ERI1: variants seen among roughly 807,000 people sequenced by gnomAD.
The protein encoded by ERI1 is exoribonuclease 1, also known as 3'-5' exoribonuclease 1.
In ERI1, 39 loss-of-function variants were observed where a neutral mutation model predicts 39.7. That is an observed-to-expected ratio of 0.98 (90% CI 0.76 to 1.28). ERI1 has a LOEUF of 1.28. ERI1 is among the 50% of genes most tolerant of loss of function. The pLI, the probability that ERI1 is intolerant of heterozygous loss-of-function variation, is 0.00. For missense variants in ERI1, 581 were observed against 416.9 expected (o/e 1.39, Z -3.43); for synonymous variants, 204 against 149.6 (o/e 1.36, Z -2.65).
In ERI1 at chr8:9,041,316, A is replaced by C. The variant is rs140040416; in HGVS notation, n.299+20852A>C. Reference sequence around the variant, plus strand: ...GGCAACTTCCTTGTATTCTCCCAAGAGAGAATACAAGGAAGGTAGGAGAGT... The same window carrying C: ...GGCAACTTCCTTGTATTCTCCCAAGCGAGAATACAAGGAAGGTAGGAGAGT... On this transcript the variant is annotated intron_variant and non_coding_transcript_variant, in intron 3 of 3. Transcript: ENST00000518663. 6.6e-3 allele frequency among the ~76,000 whole-genome samples: 1,002 copies of C among 152,276 alleles called. 11 individuals carry two copies. The highest frequency in any genetic ancestry group is 0.023 in the African/African-American group (943 of 41,540).
intron 3 of ERI1, among the ~76,000 whole-genome samples, chr8:9,071,599 A>G (rs1799052837): frequency 6.6e-6 from 1 of 152,230 alleles, no homozygotes. Context: ...GGACGGGATA[A>G]TTGACTCCTT....
chr8:9,029,687 T>A, intron 6 of ERI1, 105 bp from the exon 7 acceptor site: 2 of 1,362,170 alleles, frequency 1.5e-6, no homozygotes, highest in South Asian at 1.3e-5. Context: ...TAGCTTTATT[T>A]AGCTGTTAGT....
At chr8:9,022,092 G>T (rs191179337) in intron 6 of ERI1, among the ~76,000 whole-genome samples, 66 of 151,972 alleles carry the variant, frequency 4.3e-4, no homozygotes, top group African/African-American at 1.5e-3. Flanking sequence ...CAATGGAATT[G>T]TACCAGTTTG....
chr8:9,021,188 C>T (rs549537764), intron 6 of ERI1, among the ~76,000 whole-genome samples: 8 of 152,210 alleles, frequency 5.3e-5, no homozygotes, highest in African/African-American at 1.4e-4. Flanking sequence ...AATTTACTTC[C>T]GCGGTTGTTT....
Position 9,011,628 on chromosome 8 carries a change from GTTA to G in ERI1, c.379_381del (p.Tyr127del), listed in dbSNP as rs1321154498. 6.8e-6 allele frequency: 11 copies of G among 1,613,462 alleles called. No homozygotes were observed. Among genetic ancestry groups the G allele is most frequent in the Admixed American group, 1.7e-5 (1 of 59,980 alleles). ...CTGAAAGAGAGCAATTTTGCTGACA[GTTA>G]TTATGACTACATTTGTATTATTGAC... On this transcript the variant is annotated inframe_deletion, in exon 3 of 7. Coordinates refer to ENST00000250263, the MANE Select transcript of ERI1 (RefSeq NM_153332.4).
At chr8:9,035,568 A>C (rs569336350), downstream of ERI1, among the ~76,000 whole-genome samples, 5 of 152,334 alleles carry the variant, frequency 3.3e-5, no homozygotes, top group Admixed American at 6.5e-5. Context: ...AGGAAAAAAA[A>C]AAATCTGTTC....
chr8:9,016,875 C>T (rs1817353065), intron 4 of ERI1, among the ~76,000 whole-genome samples: 4 of 151,752 alleles, frequency 2.6e-5, no homozygotes, highest in African/African-American at 9.7e-5. Flanking sequence ...TTAGTAGAGA[C>T]CTGGTTTCGC....
chr8:9,020,776 A>G (rs1209716964), intron 6 of ERI1, among the ~76,000 whole-genome samples: 1 of 152,184 alleles, frequency 6.6e-6, no homozygotes, highest in Non-Finnish European at 1.5e-5. Flanking sequence ...CATTTATCAA[A>G]GTTAATATGC....
chr8:9,061,816 G>A (rs1466775598), intron 3 of ERI1, among the ~76,000 whole-genome samples: 10 of 149,890 alleles, frequency 6.7e-5, no homozygotes, highest in African/African-American at 2.5e-4. Context: ...TTTTGCAGCA[G>A]TATAGCCCAG....
intron 3 of ERI1, among the ~76,000 whole-genome samples, chr8:9,097,936 A>G (rs972931976): frequency 2.6e-5 from 4 of 152,240 alleles, no homozygotes; most frequent in African/African-American, 9.6e-5. Context: ...AATACTACTC[A>G]GTCATAAAAA....
At chr8:9,085,603 A>G (rs1799499142) in intron 3 of ERI1, among the ~76,000 whole-genome samples, 1 of 151,474 alleles carries the variant, frequency 6.6e-6, no homozygotes, top group Admixed American at 6.6e-5. Context: ...AAACTTGTAG[A>G]GTGTCGTGGT....
chr8:9,072,923 G>A (rs1408577551), intron 3 of ERI1, among the ~76,000 whole-genome samples: 4 of 152,200 alleles, frequency 2.6e-5, no homozygotes, highest in African/African-American at 4.8e-5. Context: ...AACACCTGCC[G>A]GGATGCGTCT....
chr8:9,090,212 T>A (rs11774267), intron 3 of ERI1, among the ~76,000 whole-genome samples: 99,280 of 151,736 alleles, frequency 0.65, 33,982 homozygotes, highest in African/African-American at 0.76. Flanking sequence ...CCACTGCTTC[T>A]TCCTCCTCCT....
intron 6 of ERI1, among the ~76,000 whole-genome samples, chr8:9,026,564 A>G (rs1272806737): frequency 6.6e-6 from 1 of 152,164 alleles, no homozygotes; most frequent in Non-Finnish European, 1.5e-5. Context: ...TCAGAATTCT[A>G]CCTTTCTGAG....
chr8:9,049,969 G>A (rs1287219285), intron 3 of ERI1: 1 of 152,150 alleles, frequency 6.6e-6, no homozygotes, highest in Non-Finnish European at 1.5e-5. Flanking sequence ...ATTTGGCTAG[G>A]ATGAGTTCTA....
chr8:9,018,426 AT>A lies in ERI1; in HGVS notation c.692+27del. 6 of 1,310,196 alleles carry A rather than the reference AT, an allele frequency of 4.6e-6. No individual in the cohort carries two copies. Among genetic ancestry groups the A allele is most frequent in the East Asian group, 2.3e-5 (1 of 43,256 alleles). The allele number at this position is 1,310,196 out of a possible 1,614,324, so 81.2% of individuals were successfully genotyped here. ...AGATGGGTAAGTATTTAGGAAGATT[AT>A]TTTTTTATATCTACTTTTTAAAGAT... On this transcript the variant is annotated intron_variant, in intron 5 of 6. Coordinates refer to ENST00000250263, the MANE Select transcript of ERI1 (RefSeq NM_153332.4).
rs1362570309 is a variant in ERI1, at chr8:9,031,524, G to C, written c.*1490G>C. 2 of 152,182 alleles carry C rather than the reference G, an allele frequency of 1.3e-5. No homozygotes were observed. The highest frequency in any genetic ancestry group is 3.8e-4 in the East Asian group (2 of 5,196). The allele number at this position is 152,182 out of a possible 1,614,324, so 9.4% of individuals were successfully genotyped here. ...TTAGGATAAGAGGGATGTATGCTGAGATGTTTGTGCATCCCAGATAGCACT... is the reference window on the plus strand; with the variant it reads ...TTAGGATAAGAGGGATGTATGCTGACATGTTTGTGCATCCCAGATAGCACT... On this transcript the variant is annotated 3_prime_UTR_variant, in exon 7 of 7. Coordinates refer to ENST00000250263, the MANE Select transcript of ERI1 (RefSeq NM_153332.4).
intron 3 of ERI1, among the ~76,000 whole-genome samples, chr8:9,084,166 G>A (rs1462191715): frequency 1.3e-5 from 2 of 152,140 alleles, no homozygotes; most frequent in African/African-American, 2.4e-5. Flanking sequence ...GGAGGCTGAG[G>A]CAGGAGGATC....
rs5889258 is a variant in ERI1 at position 9,045,235 on chromosome 8, C to CA, written n.299+24793dup. 2.5e-3 allele frequency among the ~76,000 whole-genome samples: 190 copies of CA among 75,602 alleles called. 2 individuals are homozygous for CA. The highest frequency in any genetic ancestry group is 7.2e-3 in the African/African-American group (142 of 19,650). 49.6% of individuals were successfully genotyped at this position (75,602 alleles called of 152,430 possible). ...TGGACGACAGAGTGAGACTCTGTCT[C>CA]AAAAAAAAAAAAAAAAAAAAAAGTA... On this transcript the variant is annotated intron_variant and non_coding_transcript_variant, in intron 3 of 3. Transcript: ENST00000518663.
Sources: gnomAD v4.1 joint callset for allele counts (sites outside exome capture counted in the v4.1 genomes callset) on GRCh38, gnomAD v4.1.1 for gene constraint, MANE v1.5 for transcripts, NCBI Gene and HGNC (gene_info 2026-07-23, HGNC 2026-07-21) for gene names.